Variants in PRPF8 observed in about 807,000 individuals in gnomAD.
PRPF8 encodes the protein pre-mRNA-processing-splicing factor 8.
A neutral mutation model predicts 285.9 loss-of-function variants in PRPF8; 64 were observed. That is an observed-to-expected ratio of 0.22 (90% CI 0.18 to 0.28). The LOEUF (loss-of-function observed/expected upper bound fraction) is 0.28. PRPF8 is among the 10% of genes least tolerant of loss of function. The pLI, the probability that PRPF8 is intolerant of heterozygous loss-of-function variation, is 1.00. For synonymous variants in PRPF8, 1,325 were observed against 1,118.2 expected, an observed-to-expected ratio of 1.18 and a Z score of -3.69; for missense variants, 1,426 against 3,026.7, an observed-to-expected ratio of 0.47 and a Z score of 12.41.
Position 1,674,025 on chromosome 17 carries a change from TTTTA to T in PRPF8, c.3300-137_3300-134del, listed in dbSNP as rs895009487. The T allele has an allele frequency of 3.3e-5, 33 of 1,006,744 alleles. No homozygotes were observed. The Admixed American group carries it at 4.7e-4, about 14-fold the overall frequency. 62.4% of individuals were successfully genotyped at this position (1,006,744 alleles called of 1,614,324 possible). A position where few individuals can be genotyped will look rare whatever the true frequency, so the allele number is the denominator to read the frequency against. On this transcript the variant is annotated intron_variant, in intron 21 of 42. Coordinates refer to ENST00000304992, the MANE Select transcript of PRPF8 (RefSeq NM_006445.4). ...CTCCCCGGGCTTCATTCCATTTTAT[TTTTA>T]TTTATTTATTTTTTGAGACAGTCTC...
chr17:1,669,782 G>A (rs893014752), intron 24 of PRPF8, among the ~76,000 whole-genome samples: 1 of 152,140 alleles, frequency 6.6e-6, no homozygotes, highest in Non-Finnish European at 1.5e-5. Flanking sequence ...GAAGGCCTTG[G>A]TTCCAAGACC....
intron 21 of PRPF8, 98 bp downstream of exon 21, chr17:1,674,344 C>T (rs930759726): frequency 7.9e-7 from 1 of 1,272,032 alleles, no homozygotes; most frequent in African/African-American, 1.5e-5. Context: ...TTTAAAGCCC[C>T]AACAGCAGTT....
In PRPF8 at chr17:1,681,699, A is replaced by T. The variant is rs1384346114; in HGVS notation, c.654-9T>A. 2.5e-6 allele frequency: 4 copies of T among 1,613,930 alleles called. No individual in the cohort carries two copies. Among genetic ancestry groups the T allele is most frequent in the Non-Finnish European group, 3.4e-6 (4 of 1,179,832 alleles). On this transcript the variant is annotated splice_polypyrimidine_tract_variant and intron_variant, in intron 5 of 42. Coordinates refer to ENST00000304992, the MANE Select transcript of PRPF8 (RefSeq NM_006445.4). ...TGGAGCCATTTACATACCTAGGTAA[A>T]AAATGAAAGGCCCACCTCAAGTAAG...
At chr17:1,680,675 C>G in intron 8 of PRPF8, 51 bp downstream of exon 8, 1 of 1,521,454 alleles carries the variant, frequency 6.6e-7, no homozygotes, top group Non-Finnish European at 9.1e-7. Context: ...CAGCCAACCT[C>G]ACGCATTTCT....
intron 24 of PRPF8, among the ~76,000 whole-genome samples, chr17:1,664,443 T>C (rs1192796842): frequency 6.6e-6 from 1 of 152,084 alleles, no homozygotes; most frequent in East Asian, 1.9e-4. Context: ...AATAGCAGAA[T>C]ACAGATTAAC....
Position 1,650,718 on chromosome 17 carries a change from G to C in PRPF8, c.*84C>G, listed in dbSNP as rs765449477. On this transcript the variant is annotated 3_prime_UTR_variant, in exon 43 of 43. Coordinates refer to ENST00000304992, the MANE Select transcript of PRPF8 (RefSeq NM_006445.4). ...ACACAAGCACAGACAGAGGGAAAGA[G>C]GCCAAACTGCTGAATGTCAGCGGCC... 6.5e-7 allele frequency: 1 copy of C among 1,530,834 alleles called. No individual in the cohort carries two copies. Among genetic ancestry groups the C allele is most frequent in the African/African-American group, 1.4e-5 (1 of 72,968 alleles). The allele number at this position is 1,530,834 out of a possible 1,614,324, so 94.8% of individuals were successfully genotyped here.
chr17:1,659,384 G>T lies in PRPF8; in HGVS notation c.5111C>A (p.Ala1704Asp), dbSNP rs778493684. ...GTGCAAGTTATAGGCCAGGTCAATG[G>T]CGATGAGTACACCTGTGGGCGAAGG... Reference protein sequence around the residue: ...IYPSPTGVLIAIDLAYNLHSA... With the variant: ...IYPSPTGVLIDIDLAYNLHSA... Residue 1704 changes from alanine to aspartate, a missense_variant, in exon 32 of 43, where the codon GCC becomes GAC. Transcript: ENST00000304992. This position sits in a 1 kb window ranked among gnomAD's most constrained non-coding sequence, Gnocchi z 5.1. The T allele has an allele frequency of 6.2e-7, 1 of 1,614,078 alleles. No homozygotes were observed. Among genetic ancestry groups the T allele is most frequent in the Admixed American group, 1.7e-5 (1 of 59,992 alleles).
intron 2 of PRPF8, 120 bp from the exon 3 acceptor site, chr17:1,683,821 G>C: frequency 8.6e-7 from 1 of 1,160,552 alleles, no homozygotes; most frequent in Admixed American, 2.0e-5. Flanking sequence ...GCAGGAAGAA[G>C]CACCCCTTGC....
At chr17:1,669,883 C>T (rs1056077311) in intron 24 of PRPF8, among the ~76,000 whole-genome samples, 2 of 152,194 alleles carry the variant, frequency 1.3e-5, no homozygotes, top group Non-Finnish European at 2.9e-5. Flanking sequence ...TCCACATTGT[C>T]CCTGGGTGAT....
In PRPF8 at chr17:1,650,813, G is replaced by A; in HGVS notation, c.6997C>T (p.Leu2333=). 1.2e-6 allele frequency: 2 copies of A among 1,614,066 alleles called. No individual in the cohort carries two copies. The highest frequency in any genetic ancestry group is 1.7e-6 in the Non-Finnish European group (2 of 1,180,006). Reference sequence around the variant, plus strand: ...AGGCAGGGAAACGGTCAGGCATACAGGTCCTCCCGATCCGCAGAGTAAACC... The same window carrying A: ...AGGCAGGGAAACGGTCAGGCATACAAGTCCTCCCGATCCGCAGAGTAAACC... ...GEVYSADRED[L]YA is the part of the protein sequence containing the mutation. Residue 2333 remains leucine (L), a synonymous_variant, in exon 43 of 43, where the codon CTG becomes TTG. Coordinates refer to ENST00000304992, the MANE Select transcript of PRPF8 (RefSeq NM_006445.4).
chr17:1,684,719 G>A (rs1913148624), intron 1 of PRPF8, 61 bp downstream of exon 1: 1 of 814,114 alleles, frequency 1.2e-6, no homozygotes, highest in Non-Finnish European at 2.0e-6. Flanking sequence ...TAACCCCTTC[G>A]GTCACTCGGC....
intron 14 of PRPF8, 39 bp from the exon 15 acceptor site, chr17:1,677,211 T>A (rs755228171): frequency 1.3e-6 from 2 of 1,589,510 alleles, no homozygotes; most frequent in Non-Finnish European, 1.7e-6. Flanking sequence ...CAAGGAAGAT[T>A]CCTTGCTTTC....
At chr17:1,681,159 G>A in intron 6 of PRPF8, 105 bp from the exon 7 acceptor site, 1 of 1,260,236 alleles carries the variant, frequency 7.9e-7, no homozygotes, top group Non-Finnish European at 1.1e-6. Flanking sequence ...GTTCACTGCA[G>A]CCGTGACCTC....
Position 1,673,227 on chromosome 17 carries a change from CGAG to C in PRPF8, c.3658-33_3658-31del. ...ACCACAAAGTCAAGGTTAACATGTC[CGAG>C]GAACTCCCACAGAAGCAAGAGCCAA... On this transcript the variant is annotated intron_variant, in intron 23 of 42. Coordinates refer to ENST00000304992, the MANE Select transcript of PRPF8 (RefSeq NM_006445.4). The surrounding 1 kb of genome is among the most constrained non-coding windows in gnomAD (Gnocchi z 5.5). 4 of 1,611,034 alleles carry C rather than the reference CGAG, an allele frequency of 2.5e-6. No homozygotes were observed. The highest frequency in any genetic ancestry group is 3.4e-6 in the Non-Finnish European group (4 of 1,177,242).
At chr17:1,665,858 AAAG>A (rs1458156333) in intron 24 of PRPF8, among the ~76,000 whole-genome samples, 3 of 148,464 alleles carry the variant, frequency 2.0e-5, no homozygotes, top group African/African-American at 7.6e-5. Context: ...AAAAAAAAAA[AAAG>A]AAAAAGAGAA....
chr17:1,659,799 A>C lies in PRPF8; in HGVS notation c.4946+42T>G. On this transcript the variant is annotated intron_variant, in intron 31 of 42. Coordinates refer to ENST00000304992, the MANE Select transcript of PRPF8 (RefSeq NM_006445.4). The surrounding 1 kb of genome is among the most constrained non-coding windows in gnomAD (Gnocchi z 5.1). ...GCAGGGCTAGAAGAACAGGAAAACG[A>C]AAGTGTCCTGGCTGCCTAGGGCTGG... 1 of 1,606,812 alleles carries C rather than the reference A, an allele frequency of 6.2e-7. No homozygotes were observed. Among genetic ancestry groups the C allele is most frequent in the East Asian group, 2.2e-5 (1 of 44,748 alleles).
Position 1,675,860 on chromosome 17 carries a change from T to C in PRPF8, c.2680-48A>G, listed in dbSNP as rs1252403388. ...CACACCAATCCACCAACTGCTACCT[T>C]TGGTAGAACCAAAGGCAACTGCTAC... On this transcript the variant is annotated intron_variant, in intron 18 of 42. Coordinates refer to ENST00000304992, the MANE Select transcript of PRPF8 (RefSeq NM_006445.4). The surrounding 1 kb of genome is among the most constrained non-coding windows in gnomAD (Gnocchi z 6.0). 2 of 1,605,944 alleles carry C rather than the reference T, an allele frequency of 1.2e-6. No homozygotes were observed. The highest frequency in any genetic ancestry group is 1.7e-5 in the Admixed American group (1 of 59,970).
chr17:1,684,597 G>C lies in PRPF8; in HGVS notation c.-11-15C>G. On this transcript the variant is annotated splice_polypyrimidine_tract_variant and intron_variant, in intron 1 of 42. Coordinates refer to ENST00000304992, the MANE Select transcript of PRPF8 (RefSeq NM_006445.4). ...ATCCGGAGAATCTGGGGAGCGGCGG[G>C]ATAGAAAAATTCACTAACCACAGGC... 6.2e-7 allele frequency: 1 copy of C among 1,610,964 alleles called. No individual in the cohort carries two copies. Among genetic ancestry groups the C allele is most frequent in the Non-Finnish European group, 8.5e-7 (1 of 1,178,936 alleles).
At chr17:1,663,595 G>A (rs1341581868) in intron 24 of PRPF8, among the ~76,000 whole-genome samples, 3 of 150,432 alleles carry the variant, frequency 2.0e-5, no homozygotes, top group African/African-American at 4.9e-5. Flanking sequence ...TGTAGTCTCA[G>A]TTTCTTGGGA....
Sources: gnomAD v4.1 joint callset for allele counts (sites outside exome capture counted in the v4.1 genomes callset) on GRCh38, gnomAD v4.1.1 for gene constraint, Gnocchi (gnomAD v3.1) non-coding constraint, MANE v1.5 for transcripts, NCBI Gene and HGNC (gene_info 2026-07-23, HGNC 2026-07-21) for gene names.